UBE2W: variants seen among roughly 807,000 people sequenced by gnomAD.
UBE2W encodes ubiquitin conjugating enzyme E2 W.
A neutral mutation model predicts 27.2 loss-of-function variants in UBE2W; 18 were observed. The observed-to-expected ratio is 0.66, with a 90% CI of 0.46 to 0.98. The LOEUF (loss-of-function observed/expected upper bound fraction) is 0.98. UBE2W is among the 50% of genes least tolerant of loss of function. The probability of loss-of-function intolerance (pLI) is 0.00; values close to 1 mark genes in which losing one functional copy is unlikely to be tolerated. For missense variants in UBE2W, 90 were observed against 180.2 expected (o/e 0.50, Z 2.87); for synonymous variants, 53 against 57.2 (o/e 0.93, Z 0.33).
chr8:73,863,428 T>A (rs1367292520), intron 1 of UBE2W, among the ~76,000 whole-genome samples: 2 of 79,152 alleles, frequency 2.5e-5, no homozygotes, highest in East Asian at 3.6e-4. Context: ...GGGACTGTGG[T>A]GGGGTGGGGG....
At chr8:73,870,250 CA>C (rs910715004) in intron 1 of UBE2W, 54 of 1,582,090 alleles carry the variant, frequency 3.4e-5, no homozygotes, top group East Asian at 4.5e-5. Context: ...AGAGGATTGG[CA>C]AAAAAACACA....
At chr8:73,804,814 T>G (rs970457214) in intron 5 of UBE2W, among the ~76,000 whole-genome samples, 3 of 151,940 alleles carry the variant, frequency 2.0e-5, no homozygotes, top group South Asian at 2.1e-4. Flanking sequence ...CACTTCAACC[T>G]TCGCCACCAG....
chr8:73,808,136 G>C (rs1481084119), intron 4 of UBE2W, among the ~76,000 whole-genome samples: 2 of 152,304 alleles, frequency 1.3e-5, no homozygotes, highest in East Asian at 3.9e-4. Context: ...TTTAATAGTA[G>C]TAGAATTAAC....
chr8:73,845,404 T>C (rs1399022785), intron 1 of UBE2W, among the ~76,000 whole-genome samples: 2 of 152,194 alleles, frequency 1.3e-5, no homozygotes, highest in Non-Finnish European at 2.9e-5. Context: ...TCTATAACCT[T>C]ACCCCCAACC....
At position 73,793,221 on chromosome 8, in the gene UBE2W, G is replaced by C. The variant is rs1808275594; in HGVS notation, c.*881C>G. The C allele has an allele frequency of 1.0e-6, 1 of 985,642 alleles. No individual in the cohort carries two copies. The allele number at this position is 985,642 out of a possible 1,614,324, so 61.1% of individuals were successfully genotyped here. ...TGATGGCTAGCAGGAAGTTAACAGA[G>C]TGTAACTTACTTGGAAAAAATCTTT... is the stretch of plus-strand genomic sequence containing the variant. On this transcript the variant is annotated 3_prime_UTR_variant, in exon 6 of 6. Coordinates refer to ENST00000602593, the MANE Select transcript of UBE2W (RefSeq NM_018299.6).
rs148303343 is a variant in UBE2W, at chr8:73,873,527, G to A, written c.15+5281C>T. Among the ~76,000 whole-genome samples, 1,035 of 152,242 alleles carry A rather than the reference G, an allele frequency of 6.8e-3. 10 individuals are homozygous for A. The highest frequency in any genetic ancestry group is 0.024 in the African/African-American group (1,000 of 41,548). ...AAAAAAATTAGCCAGGCATGGTGGC[G>A]TGTCTATAGTCCCAGCTGCTTGGGA... On this transcript the variant is annotated intron_variant, in intron 1 of 5. Transcript: ENST00000602593.
intron 1 of UBE2W, among the ~76,000 whole-genome samples, chr8:73,875,939 G>C (rs570227890): frequency 6.6e-6 from 1 of 152,208 alleles, no homozygotes; most frequent in African/African-American, 2.4e-5. Context: ...TGTAATCCCA[G>C]CTACTCAGGA....
chr8:73,853,892 T>C (rs554332417), intron 1 of UBE2W, among the ~76,000 whole-genome samples: 2 of 152,322 alleles, frequency 1.3e-5, no homozygotes, highest in Admixed American at 1.3e-4. Flanking sequence ...GTCATGCCTG[T>C]AATCCCAGCA....
At chr8:73,832,878 G>T (rs1427166854) in intron 1 of UBE2W, among the ~76,000 whole-genome samples, 1 of 152,118 alleles carries the variant, frequency 6.6e-6, no homozygotes, top group Non-Finnish European at 1.5e-5. Context: ...TGCTTCCTTT[G>T]CTGCTTTCTA....
chr8:73,866,920 G>T (rs1172094050), intron 1 of UBE2W, among the ~76,000 whole-genome samples: 1 of 151,012 alleles, frequency 6.6e-6, no homozygotes, highest in African/African-American at 2.4e-5. Context: ...CAGGAGAATC[G>T]CTTGAACCCA....
At chr8:73,783,257 T>C (rs536609823), downstream of UBE2W, among the ~76,000 whole-genome samples, 1 of 152,340 alleles carries the variant, frequency 6.6e-6, no homozygotes, top group Admixed American at 6.5e-5. Context: ...CTCATTCTTT[T>C]AGAATTTGTG....
intron 1 of UBE2W, among the ~76,000 whole-genome samples, chr8:73,834,890 T>C (rs192634705): frequency 9.9e-5 from 15 of 152,192 alleles, no homozygotes; most frequent in African/African-American, 2.4e-4. Flanking sequence ...GCCTGGGCTA[T>C]AGAGTGAGAC....
chr8:73,858,912 G>A (rs1360800035), intron 1 of UBE2W, among the ~76,000 whole-genome samples: 2 of 139,862 alleles, frequency 1.4e-5, no homozygotes, highest in Non-Finnish European at 3.1e-5. Flanking sequence ...GTGTGTGTTG[G>A]TTTTTTTGCT....
rs957803471 is a variant in UBE2W, at chr8:73,787,895, T to C, written c.*6207A>G. 4.6e-5 allele frequency: 45 copies of C among 985,326 alleles called. No individual in the cohort carries two copies. Among genetic ancestry groups the C allele is most frequent in the Middle Eastern group, 5.2e-4 (1 of 1,936 alleles). 61.0% of individuals were successfully genotyped at this position (985,326 alleles called of 1,614,324 possible). On this transcript the variant is annotated 3_prime_UTR_variant, in exon 6 of 6. Coordinates refer to ENST00000602593, the MANE Select transcript of UBE2W (RefSeq NM_018299.6). ...ACACTCAGTCTTTAGTTGGGACTTATTAAAACACTAAAACTAGCTACATAT... is the reference window on the plus strand; with the variant it reads ...ACACTCAGTCTTTAGTTGGGACTTACTAAAACACTAAAACTAGCTACATAT...
At chr8:73,781,466 T>C (rs1807841628), downstream of UBE2W, among the ~76,000 whole-genome samples, 1 of 151,828 alleles carries the variant, frequency 6.6e-6, no homozygotes, top group Admixed American at 6.6e-5. Flanking sequence ...CAAACACATC[T>C]CCTTTTCTCC....
Position 73,788,629 on chromosome 8 carries a change from A to G in UBE2W, c.*5473T>C. On this transcript the variant is annotated 3_prime_UTR_variant, in exon 6 of 6. Coordinates refer to ENST00000602593, the MANE Select transcript of UBE2W (RefSeq NM_018299.6). Reference sequence around the variant, plus strand: ...TTTAAATTGTAAGTTTCAGGCTTCAAAAGAGGCAGGATTATTAAATCTTTC... The same window carrying G: ...TTTAAATTGTAAGTTTCAGGCTTCAGAAGAGGCAGGATTATTAAATCTTTC... The G allele has an allele frequency of 1.0e-6, 1 of 985,464 alleles. No homozygotes were observed. Among genetic ancestry groups the G allele is most frequent in the Non-Finnish European group, 1.2e-6 (1 of 829,926 alleles). The allele number at this position is 985,464 out of a possible 1,614,324, so 61.0% of individuals were successfully genotyped here.
chr8:73,844,793 G>C (rs1050337558), intron 1 of UBE2W, among the ~76,000 whole-genome samples: 15 of 151,548 alleles, frequency 9.9e-5, no homozygotes, highest in Non-Finnish European at 1.5e-4. Flanking sequence ...CCTCTGCCTG[G>C]CCGCGACCCC....
intron 1 of UBE2W, among the ~76,000 whole-genome samples, chr8:73,869,786 C>T (rs918519331): frequency 3.9e-5 from 6 of 151,996 alleles, no homozygotes; most frequent in African/African-American, 1.5e-4. Flanking sequence ...ATCACTTGAA[C>T]CCAGGAGGCA....
chr8:73,876,046 C>T (rs1812206160), intron 1 of UBE2W, among the ~76,000 whole-genome samples: 1 of 151,988 alleles, frequency 6.6e-6, no homozygotes, highest in Non-Finnish European at 1.5e-5. Context: ...AGCGAGACTC[C>T]ATCTCAACAC....
Sources: allele counts gnomAD v4.1 joint callset (sites outside exome capture counted in the v4.1 genomes callset), GRCh38; gene constraint gnomAD v4.1.1; transcripts MANE v1.5; gene names NCBI Gene and HGNC (gene_info 2026-07-23, HGNC 2026-07-21).